The following TTC34 variants were observed in gnomAD, a reference collection of about 807,000 sequenced individuals.
TTC34 encodes tetratricopeptide repeat domain 34.
TTC34 carries 44 observed loss-of-function variants against 40.7 expected under a neutral mutation model. That is an observed-to-expected ratio of 1.08 (90% CI 0.85 to 1.39). The LOEUF (loss-of-function observed/expected upper bound fraction) is 1.39, where lower values mean the gene tolerates loss of function less well. Among genes scored for constraint, TTC34 ranks in the 40% most tolerant of loss-of-function variants. The pLI is 0.00. For synonymous variants in TTC34, 422 were observed against 398.6 expected, an observed-to-expected ratio of 1.06 and a Z score of -0.70; for missense variants, 884 against 838.0, an observed-to-expected ratio of 1.05 and a Z score of -0.68.
chr1:2,694,445 C>T (rs369918701), intron 6 of TTC34, among the ~76,000 whole-genome samples: 3 of 105,408 alleles, frequency 2.8e-5, no homozygotes, highest in African/African-American at 8.4e-5. Context: ...GGTGAGCATT[C>T]GACAGCCTGG....
chr1:2,694,772 G>C (rs1488345951), intron 6 of TTC34, among the ~76,000 whole-genome samples: 1 of 82,272 alleles, frequency 1.2e-5, no homozygotes, highest in African/African-American at 4.0e-5. Flanking sequence ...GCATCCGACA[G>C]CCTGGAGCAG....
chr1:2,646,040 G>C (rs554205621), intron 6 of TTC34, among the ~76,000 whole-genome samples: 4 of 152,260 alleles, frequency 2.6e-5, no homozygotes, highest in African/African-American at 9.6e-5. Flanking sequence ...ACGCCGGAAG[G>C]GTAGAAAGCC....
At chr1:2,644,210 T>G in intron 8 of TTC34, 54 bp downstream of exon 8, 2 of 1,495,528 alleles carry the variant, frequency 1.3e-6, no homozygotes, top group Non-Finnish European at 1.8e-6. Flanking sequence ...GGGGGTCTCA[T>G]GCCTGTGTGC....
At chr1:2,684,193 C>A (rs1429254421) in intron 6 of TTC34, among the ~76,000 whole-genome samples, 1 of 151,292 alleles carries the variant, frequency 6.6e-6, no homozygotes, top group African/African-American at 2.5e-5. Flanking sequence ...GCAACACTCA[C>A]ACCCCCAGGT....
chr1:2,752,190 G>C lies in TTC34; in HGVS notation c.2226+31419C>G, dbSNP rs1445018220. Among the ~76,000 whole-genome samples, 2 of 120,786 alleles carry C rather than the reference G, an allele frequency of 1.7e-5. 1 individual carries two copies. The highest frequency in any genetic ancestry group is 3.3e-5 in the Non-Finnish European group (2 of 60,000). The allele number at this position is 120,786 out of a possible 152,430, so 79.2% of individuals were successfully genotyped here. On this transcript the variant is annotated intron_variant, in intron 6 of 8. Transcript: ENST00000401095. ...CACACCAACAGGTGAGCATCTGACA[G>C]CCTGGAACAGAACCCACACCCCCAG...
intron 6 of TTC34, among the ~76,000 whole-genome samples, chr1:2,699,289 A>T (rs1641017442): frequency 1.3e-5 from 2 of 149,304 alleles, no homozygotes; most frequent in Admixed American, 1.3e-4. Flanking sequence ...CAGCACCCAC[A>T]CCCCCAGGCG....
chr1:2,687,406 C>T (rs561773693), intron 6 of TTC34, among the ~76,000 whole-genome samples: 1 of 139,872 alleles, frequency 7.1e-6, no homozygotes, highest in East Asian at 2.2e-4. Flanking sequence ...GCACCCACAC[C>T]CCCAGGTGAG....
chr1:2,650,243 A>G (rs1263108334), intron 6 of TTC34, among the ~76,000 whole-genome samples: 2 of 150,660 alleles, frequency 1.3e-5, no homozygotes, highest in South Asian at 2.1e-4. Context: ...ACAGCCTGGA[A>G]TGGCACTCTA....
intron 6 of TTC34, among the ~76,000 whole-genome samples, chr1:2,652,347 C>T (rs1332697240): frequency 6.6e-6 from 1 of 151,306 alleles, no homozygotes; most frequent in African/African-American, 2.4e-5. Flanking sequence ...CATCTGATAT[C>T]CTGGAACAGC....
chr1:2,688,254 G>A (rs1157096013), intron 6 of TTC34, among the ~76,000 whole-genome samples: 23 of 147,076 alleles, frequency 1.6e-4, no homozygotes, highest in African/African-American at 5.6e-4. Context: ...CACACCCCCA[G>A]GGGAGCATGT....
intron 6 of TTC34, among the ~76,000 whole-genome samples, chr1:2,648,016 T>C (rs1003533800): frequency 6.6e-6 from 1 of 152,176 alleles, no homozygotes. Context: ...TTTTTTTTTT[T>C]TCATATTCCT....
chr1:2,778,818 T>C (rs950612745), intron 6 of TTC34, among the ~76,000 whole-genome samples: 10 of 152,206 alleles, frequency 6.6e-5, no homozygotes, highest in African/African-American at 2.4e-4. Flanking sequence ...ATTAAATACA[T>C]TCATCATGTT....
chr1:2,787,218 A>C lies in TTC34; in HGVS notation c.1854+263T>G, dbSNP rs368246011. ...ACAGTGGAAGCAAGTACGACAAAGC[A>C]GCTACGCATGCAGGGAAACTGCCGG... On this transcript the variant is annotated intron_variant, in intron 4 of 8. Coordinates refer to ENST00000401095, the Ensembl canonical transcript of TTC34. 1.9e-4 allele frequency among the ~76,000 whole-genome samples: 29 copies of C among 152,322 alleles called. No individual in the cohort carries two copies. In the East Asian group the frequency reaches 2.1e-3, roughly 11 times the overall value.
intron 6 of TTC34, among the ~76,000 whole-genome samples, chr1:2,759,678 A>AAC (rs1641628595): frequency 6.9e-5 from 2 of 28,818 alleles, no homozygotes; most frequent in African/African-American, 4.0e-4. Context: ...AGCACCAACA[A>AAC]CCCCAGGCTT....
chr1:2,775,838 G>A (rs1643099803), intron 6 of TTC34, among the ~76,000 whole-genome samples: 1 of 144,800 alleles, frequency 6.9e-6, no homozygotes, highest in African/African-American at 2.8e-5. Context: ...CCACCCCTGG[G>A]TGAGGATGCT....
rs1359991957 is a variant in TTC34, at chr1:2,756,014, A to C, written c.2226+27595T>G. On this transcript the variant is annotated intron_variant, in intron 6 of 8. Transcript: ENST00000401095. ...AGGTGAGCATCTGACACCCTGAAACAGCACACACACCCCCAGGCGAGCATC... is the reference window on the plus strand; with the variant it reads ...AGGTGAGCATCTGACACCCTGAAACCGCACACACACCCCCAGGCGAGCATC... Among the ~76,000 whole-genome samples, 3 of 84,772 alleles carry C rather than the reference A, an allele frequency of 3.5e-5. 1 individual carries two copies. The highest frequency in any genetic ancestry group is 6.3e-5 in the Non-Finnish European group (3 of 47,464). The allele number at this position is 84,772 out of a possible 152,430, so 55.6% of individuals were successfully genotyped here. A position where few individuals can be genotyped will look rare whatever the true frequency, so the allele number is the denominator to read the frequency against.
At chr1:2,683,514 A>T (rs6687492) in intron 6 of TTC34, among the ~76,000 whole-genome samples, 34 of 122,506 alleles carry the variant, frequency 2.8e-4, no homozygotes, top group Middle Eastern at 9.3e-3. Flanking sequence ...CACCCACACC[A>T]CCAGGTGAGC....
intron 6 of TTC34, among the ~76,000 whole-genome samples, chr1:2,752,886 C>G (rs1641371288): frequency 2.0e-5 from 3 of 151,580 alleles, no homozygotes; most frequent in African/African-American, 7.3e-5. Context: ...CCTGGAACGG[C>G]ACCCACACCC....
At position 2,751,489 on chromosome 1, in the gene TTC34, C is replaced by T. The variant is rs1167028806; in HGVS notation, c.2226+32120G>A. The stretch of plus-strand genomic sequence containing the variant: ...ACAGACTGGAACTGCACCCCCATGC[C>T]CAGGTGAGCCTCTGACAGCCTTGAA... On this transcript the variant is annotated intron_variant, in intron 6 of 8. Transcript: ENST00000401095. 3.7e-5 allele frequency among the ~76,000 whole-genome samples: 4 copies of T among 108,280 alleles called. 2 individuals carry two copies. The East Asian group carries it at 1.3e-3, about 35-fold the overall frequency. 71.0% of individuals were successfully genotyped at this position (108,280 alleles called of 152,430 possible). A position where few individuals can be genotyped will look rare whatever the true frequency, so the allele number is the denominator to read the frequency against.
Sources: gnomAD v4.1 joint callset for allele counts (sites outside exome capture counted in the v4.1 genomes callset) on GRCh38, gnomAD v4.1.1 for gene constraint, MANE v1.5 for transcripts, NCBI Gene and HGNC (gene_info 2026-07-23, HGNC 2026-07-21) for gene names.